The following PCOLCE2 variants were observed in gnomAD, a reference collection of about 807,000 sequenced individuals.
The protein encoded by PCOLCE2 is procollagen C-endopeptidase enhancer 2, also known as procollagen C-proteinase enhancer 2.
Under a neutral mutation model 47.0 loss-of-function variants are expected in PCOLCE2, and 42 were observed. The observed-to-expected ratio is 0.89, with a 90% CI of 0.70 to 1.16. The LOEUF is 1.16. Among genes scored for constraint, PCOLCE2 ranks in the 50% most tolerant of loss-of-function variants. PCOLCE2 has a pLI of 0.00. For synonymous variants in PCOLCE2, 169 were observed against 191.7 expected, an observed-to-expected ratio of 0.88 and a Z score of 0.98; for missense variants, 500 against 526.1, an observed-to-expected ratio of 0.95 and a Z score of 0.49.
At chr3:142,829,545 TA>T (rs1390430153) in intron 6 of PCOLCE2, 146 bp downstream of exon 6, 4 of 559,548 alleles carry the variant, frequency 7.1e-6, no homozygotes, top group Middle Eastern at 4.0e-4. Flanking sequence ...TTTCTTTCAT[TA>T]ATGCAGTCAT....
chr3:142,881,359 C>T (rs1176261711), intron 2 of PCOLCE2, among the ~76,000 whole-genome samples: 1 of 151,998 alleles, frequency 6.6e-6, no homozygotes, highest in Non-Finnish European at 1.5e-5. Context: ...GAATCAGATG[C>T]AAATAAAATA....
intron 3 of PCOLCE2, among the ~76,000 whole-genome samples, chr3:142,847,799 G>A (rs1937343264): frequency 6.6e-6 from 1 of 152,196 alleles, no homozygotes; most frequent in Admixed American, 6.5e-5. Flanking sequence ...TGGTCCCCCA[G>A]TGTTGGGATT....
At chr3:142,823,046 A>G (rs16852648) in intron 7 of PCOLCE2, among the ~76,000 whole-genome samples, 1 of 152,308 alleles carries the variant, frequency 6.6e-6, no homozygotes, top group East Asian at 1.9e-4. Context: ...CCAGTTTGTG[A>G]GAGTTTCCAA....
intron 2 of PCOLCE2, among the ~76,000 whole-genome samples, chr3:142,871,151 C>G (rs1288081945): frequency 1.3e-5 from 2 of 152,282 alleles, no homozygotes; most frequent in African/African-American, 4.8e-5. Context: ...TTCTCTTACA[C>G]CCCTCGTCTT....
intron 2 of PCOLCE2, among the ~76,000 whole-genome samples, chr3:142,865,829 A>C (rs183854201): frequency 1.1e-4 from 16 of 152,350 alleles, no homozygotes; most frequent in Admixed American, 9.2e-4. Context: ...ATGTGGATAT[A>C]GTCTTTTAAT....
chr3:142,846,137 G>A (rs1578037501), intron 3 of PCOLCE2, among the ~76,000 whole-genome samples: 1 of 152,050 alleles, frequency 6.6e-6, no homozygotes, highest in Admixed American at 6.6e-5. Context: ...AATGTGCATG[G>A]GGGTGCTTCA....
intron 7 of PCOLCE2, among the ~76,000 whole-genome samples, chr3:142,821,680 G>T (rs1937017136): frequency 6.8e-6 from 1 of 148,108 alleles, no homozygotes; most frequent in East Asian, 2.0e-4. Context: ...TAGAACTGAG[G>T]TATTAACTTA....
chr3:142,827,390 G>A, intron 6 of PCOLCE2: 3 of 1,560,874 alleles, frequency 1.9e-6, no homozygotes, highest in Non-Finnish European at 2.6e-6. Flanking sequence ...TCTGTTGGCT[G>A]AGGAGACAAC....
chr3:142,852,152 TG>T (rs1010181430), intron 2 of PCOLCE2, among the ~76,000 whole-genome samples: 13 of 152,244 alleles, frequency 8.5e-5, no homozygotes, highest in African/African-American at 3.1e-4. Flanking sequence ...CATCTTGCAC[TG>T]AAGGCCAGAG....
At position 142,829,721 on chromosome 3, in the gene PCOLCE2, G is replaced by T. The variant is rs970897487; in HGVS notation, c.836C>A (p.Pro279His). 2.5e-6 allele frequency: 4 copies of T among 1,601,506 alleles called. No individual in the cohort carries two copies. The South Asian group carries it at 4.5e-5, about 18-fold the overall frequency. Residue 279 changes from proline (P) to histidine (H), a missense_variant, in exon 6 of 9, where the codon CCT becomes CAT. Transcript: ENST00000295992. ...PKKLPTTTEQ[P>H]VTTTFPVTTG... ...GGTTACAGGGAATGTGGTGGTGACAGGCTGTTCTGTAGTTGTAGGCAGTTT... is the reference window on the plus strand; with the variant it reads ...GGTTACAGGGAATGTGGTGGTGACATGCTGTTCTGTAGTTGTAGGCAGTTT...
At position 142,871,082 on chromosome 3, in the gene PCOLCE2, C is replaced by G. The variant is rs143460938; in HGVS notation, c.192+16587G>C. Among the ~76,000 whole-genome samples the G allele has an allele frequency of 5.9e-3, 897 of 152,346 alleles. 9 individuals are homozygous for G. The highest frequency in any genetic ancestry group is 0.02 in the Middle Eastern group (6 of 294). ...CCGCTCCACCTCTGTCTTCCCTGTA[C>G]AGTTGATTGCATCTTCATCCTTCCA... On this transcript the variant is annotated intron_variant, in intron 2 of 8. Coordinates refer to ENST00000295992, the MANE Select transcript of PCOLCE2 (RefSeq NM_013363.4).
At chr3:142,849,212 T>C (rs1306976261) in intron 2 of PCOLCE2, among the ~76,000 whole-genome samples, 5 of 152,164 alleles carry the variant, frequency 3.3e-5, no homozygotes, top group Admixed American at 3.3e-4. Context: ...TGCCTGTGTA[T>C]AGAATGTTTC....
At chr3:142,841,559 C>T (rs1397495078) in intron 4 of PCOLCE2, among the ~76,000 whole-genome samples, 1 of 147,630 alleles carries the variant, frequency 6.8e-6, no homozygotes, top group Non-Finnish European at 1.5e-5. Flanking sequence ...TTTAAAATTA[C>T]TTTATAAAAC....
In PCOLCE2 at chr3:142,817,880, A is replaced by T. The variant is rs1314668180; in HGVS notation, c.*455T>A. ...TTTAGTGGTTGTTCTGTAATCCTTTAAAAATATTTTATTAAGCATTGATTT... is the reference window on the plus strand; with the variant it reads ...TTTAGTGGTTGTTCTGTAATCCTTTTAAAATATTTTATTAAGCATTGATTT... On this transcript the variant is annotated 3_prime_UTR_variant, in exon 9 of 9. Transcript: ENST00000295992. The T allele has an allele frequency of 6.4e-6, 1 of 155,554 alleles. No homozygotes were observed. The highest frequency in any genetic ancestry group is 6.2e-5 in the Admixed American group (1 of 16,070). The allele number at this position is 155,554 out of a possible 1,614,324, so 9.6% of individuals were successfully genotyped here.
chr3:142,865,965 T>C (rs1933274926), intron 2 of PCOLCE2, among the ~76,000 whole-genome samples: 1 of 152,116 alleles, frequency 6.6e-6, no homozygotes. Flanking sequence ...GGCAAACAGA[T>C]CAATGGAACA....
At chr3:142,870,003 A>C (rs1322718570) in intron 2 of PCOLCE2, among the ~76,000 whole-genome samples, 1 of 152,248 alleles carries the variant, frequency 6.6e-6, no homozygotes, top group Non-Finnish European at 1.5e-5. Flanking sequence ...CCTGTTTTTA[A>C]AAAATTAAAA....
chr3:142,866,964 G>T (rs1320573074), intron 2 of PCOLCE2, among the ~76,000 whole-genome samples: 1 of 152,188 alleles, frequency 6.6e-6, no homozygotes, highest in South Asian at 2.1e-4. Flanking sequence ...TAACATTGTG[G>T]CCAGACAGGT....
rs34805543 is a variant in PCOLCE2 at position 142,856,892 on chromosome 3, C to CT, written c.193-8421dup. ...TACTCAGTTTTTCTCTAAACAGGAG[C>CT]TTTTTTTTTTTTTTTTAGCCATTTG... On this transcript the variant is annotated intron_variant, in intron 2 of 8. Coordinates refer to ENST00000295992, the MANE Select transcript of PCOLCE2 (RefSeq NM_013363.4). 4.6e-3 allele frequency among the ~76,000 whole-genome samples: 611 copies of CT among 131,504 alleles called. 1 individual carries two copies. Among genetic ancestry groups the CT allele is most frequent in the African/African-American group, 7.8e-3 (285 of 36,462 alleles). The allele number at this position is 131,504 out of a possible 152,430, so 86.3% of individuals were successfully genotyped here.
At chr3:142,886,848 C>G (rs1317099707) in intron 2 of PCOLCE2, among the ~76,000 whole-genome samples, 1 of 152,190 alleles carries the variant, frequency 6.6e-6, no homozygotes, top group Non-Finnish European at 1.5e-5. Flanking sequence ...ACAGTAACTG[C>G]TAGTTTACAC....
Sources: gnomAD v4.1 joint callset for allele counts (sites outside exome capture counted in the v4.1 genomes callset) on GRCh38, gnomAD v4.1.1 for gene constraint, MANE v1.5 for transcripts, NCBI Gene and HGNC (gene_info 2026-07-23, HGNC 2026-07-21) for gene names.